Variants in MACROD2 observed in about 807,000 individuals in gnomAD.
The protein encoded by MACROD2 is ADP-ribose glycohydrolase MACROD2.
A neutral mutation model predicts 70.4 loss-of-function variants in MACROD2; 36 were observed. The ratio of observed to expected loss-of-function variants is 0.51; its 90% CI spans 0.39 to 0.68. The LOEUF (loss-of-function observed/expected upper bound fraction) is 0.68, where lower values mean the gene tolerates loss of function less well. Among genes scored for constraint, MACROD2 ranks in the 30% least tolerant of loss-of-function variants. The pLI is 0.00. For missense variants in MACROD2, 496 were observed against 538.4 expected, an observed-to-expected ratio of 0.92 and a Z score of 0.78; for synonymous variants, 172 against 178.8, an observed-to-expected ratio of 0.96 and a Z score of 0.30.
chr20:15,530,826 ACTC>A (rs1395079372), intron 8 of MACROD2, among the ~76,000 whole-genome samples: 1 of 151,804 alleles, frequency 6.6e-6, no homozygotes, highest in African/African-American at 2.4e-5. Flanking sequence ...CAATTAATAT[ACTC>A]CTGACAAGAT....
intron 13 of MACROD2, among the ~76,000 whole-genome samples, chr20:15,984,634 C>T (rs2147462550): frequency 6.7e-6 from 1 of 150,170 alleles, no homozygotes. Flanking sequence ...TTTTGCCTCC[C>T]CCCCCCGCCC....
At chr20:14,575,076 C>A (rs1471121159) in intron 4 of MACROD2, among the ~76,000 whole-genome samples, 2 of 149,658 alleles carry the variant, frequency 1.3e-5, no homozygotes, top group Non-Finnish European at 3.0e-5. Flanking sequence ...GCACCCCTTT[C>A]CACTTTTAAA....
chr20:14,249,430 G>T (rs574647293), intron 3 of MACROD2, among the ~76,000 whole-genome samples: 46 of 152,010 alleles, frequency 3.0e-4, no homozygotes, highest in Non-Finnish European at 5.0e-4. Context: ...CCAAGGAGAA[G>T]GTGGCAGGGA....
At chr20:14,553,439 A>G in intron 4 of MACROD2, among the ~76,000 whole-genome samples, 1 of 149,686 alleles carries the variant, frequency 6.7e-6, no homozygotes, top group African/African-American at 2.5e-5. Context: ...AGTAAGTAGA[A>G]GAATTATACT....
chr20:14,969,517 C>A (rs2074671486), intron 5 of MACROD2, among the ~76,000 whole-genome samples: 1 of 151,840 alleles, frequency 6.6e-6, no homozygotes, highest in African/African-American at 2.4e-5. Context: ...AGATAGGAAC[C>A]CCCAGTTTAT....
At chr20:14,542,565 T>C (rs2085447528) in intron 4 of MACROD2, among the ~76,000 whole-genome samples, 1 of 152,210 alleles carries the variant, frequency 6.6e-6, no homozygotes, top group African/African-American at 2.4e-5. Context: ...GTAAATGTAA[T>C]ATAAAGTGGA....
intron 4 of MACROD2, among the ~76,000 whole-genome samples, chr20:14,559,511 C>G (rs1020819778): frequency 6.6e-6 from 1 of 151,610 alleles, no homozygotes; most frequent in Non-Finnish European, 1.5e-5. Flanking sequence ...ACTCGAATTC[C>G]TATTACTCGA....
chr20:15,959,121 C>T (rs1291339743), intron 12 of MACROD2, among the ~76,000 whole-genome samples: 1 of 152,172 alleles, frequency 6.6e-6, no homozygotes, highest in Non-Finnish European at 1.5e-5. Flanking sequence ...CAAAATCCTT[C>T]TATAATTGAA....
At chr20:14,856,942 C>G (rs764441225) in intron 5 of MACROD2, among the ~76,000 whole-genome samples, 1 of 152,020 alleles carries the variant, frequency 6.6e-6, no homozygotes, top group African/African-American at 2.4e-5. Flanking sequence ...ATGTCACATG[C>G]GTATCTCAGC....
chr20:14,067,527 A>G (rs2053779854), intron 2 of MACROD2, among the ~76,000 whole-genome samples: 1 of 152,218 alleles, frequency 6.6e-6, no homozygotes, highest in African/African-American at 2.4e-5. Flanking sequence ...TCTTTGAAGT[A>G]TAATCTTTTG....
chr20:15,859,192 G>T (rs911105323), intron 8 of MACROD2, among the ~76,000 whole-genome samples: 5 of 152,098 alleles, frequency 3.3e-5, no homozygotes, highest in African/African-American at 1.2e-4. Context: ...CATCCTTATT[G>T]TCTTCACATT....
chr20:14,590,791 C>T (rs1339254813), intron 4 of MACROD2, among the ~76,000 whole-genome samples: 6 of 152,048 alleles, frequency 3.9e-5, no homozygotes, highest in Non-Finnish European at 8.8e-5. Context: ...AAATGTAATA[C>T]TGTCAGGTCA....
chr20:15,281,247 A>G (rs979757009), intron 6 of MACROD2, among the ~76,000 whole-genome samples: 2 of 146,876 alleles, frequency 1.4e-5, no homozygotes, highest in Non-Finnish European at 3.1e-5. Flanking sequence ...AAACCATATT[A>G]TTCTGCCCCT....
chr20:14,412,735 C>T (rs577630717), intron 3 of MACROD2, among the ~76,000 whole-genome samples: 1 of 152,158 alleles, frequency 6.6e-6, no homozygotes, highest in Non-Finnish European at 1.5e-5. Flanking sequence ...AAGTTCTTAG[C>T]ATGGGGTCTG....
In MACROD2 at chr20:14,444,859, G is replaced by C. The variant is rs181341460; in HGVS notation, c.272-48620G>C. Among the ~76,000 whole-genome samples the C allele has an allele frequency of 1.7e-3, 252 of 151,924 alleles. 2 individuals are homozygous for C. The highest frequency in any genetic ancestry group is 6.0e-3 in the African/African-American group (249 of 41,346). ...TGTATATATATATATGTGTGTGTGT[G>C]TATGTGTTTGTGTTCCATATATATA... On this transcript the variant is annotated intron_variant, in intron 3 of 17. Coordinates refer to ENST00000684519, the MANE Select transcript of MACROD2 (RefSeq NM_001351661.2).
intron 5 of MACROD2, among the ~76,000 whole-genome samples, chr20:15,057,511 C>T (rs2075496176): frequency 6.6e-6 from 1 of 152,182 alleles, no homozygotes; most frequent in Admixed American, 6.5e-5. Context: ...TTCTCAGAGG[C>T]CATATATGGC....
chr20:15,020,544 C>T (rs1472779183), intron 5 of MACROD2, among the ~76,000 whole-genome samples: 2 of 152,038 alleles, frequency 1.3e-5, no homozygotes, highest in Non-Finnish European at 2.9e-5. Flanking sequence ...CAGTCATGAG[C>T]CACTTAATAA....
chr20:15,083,486 C>G (rs2075720726), intron 5 of MACROD2, among the ~76,000 whole-genome samples: 1 of 152,076 alleles, frequency 6.6e-6, no homozygotes, highest in Non-Finnish European at 1.5e-5. Flanking sequence ...CACAACTTGC[C>G]CCTGGCAAGT....
At chr20:14,774,321 C>T (rs1358559239) in intron 5 of MACROD2, among the ~76,000 whole-genome samples, 1 of 152,014 alleles carries the variant, frequency 6.6e-6, no homozygotes, top group African/African-American at 2.4e-5. Flanking sequence ...CAACAGGTGA[C>T]AATACTCCCT....
Sources: gnomAD v4.1 joint callset for allele counts (sites outside exome capture counted in the v4.1 genomes callset) on GRCh38, gnomAD v4.1.1 for gene constraint, MANE v1.5 for transcripts, NCBI Gene and HGNC (gene_info 2026-07-23, HGNC 2026-07-21) for gene names.